Variants in PID1 observed in about 807,000 individuals in gnomAD.
PID1 encodes PTB-containing, cubilin and LRP1-interacting protein.
Under a neutral mutation model 19.1 loss-of-function variants are expected in PID1, and 10 were observed. The observed-to-expected ratio is 0.52, with a 90% CI of 0.32 to 0.89. The LOEUF is 0.89. Among genes scored for constraint, PID1 ranks in the 40% least tolerant of loss-of-function variants. The pLI is 0.03. For synonymous variants in PID1, 130 were observed against 116.0 expected, an observed-to-expected ratio of 1.12 and a Z score of -0.78; for missense variants, 248 against 285.3, an observed-to-expected ratio of 0.87 and a Z score of 0.94.
chr2:229,228,172 C>A, intron 1 of PID1: 1 of 401,290 alleles, frequency 2.5e-6, no homozygotes, highest in Non-Finnish European at 5.0e-6. Flanking sequence ...GCAAATAAAA[C>A]CGATACAAGC....
intron 2 of PID1, among the ~76,000 whole-genome samples, chr2:229,078,333 T>C (rs960180172): frequency 6.6e-5 from 10 of 152,232 alleles, no homozygotes; most frequent in African/African-American, 2.4e-4. Context: ...TACAATCATG[T>C]CATCTGCAAA....
At chr2:229,189,804 C>T (rs894076938) in intron 1 of PID1, among the ~76,000 whole-genome samples, 7 of 152,314 alleles carry the variant, frequency 4.6e-5, no homozygotes, top group African/African-American at 1.7e-4. Context: ...GTTAACTGGA[C>T]TTAGCTTACC....
chr2:229,215,337 CT>C (rs1691822671), intron 1 of PID1, among the ~76,000 whole-genome samples: 1 of 152,206 alleles, frequency 6.6e-6, no homozygotes, highest in African/African-American at 2.4e-5. Context: ...GATTGCTTGT[CT>C]TTTTCATATT....
chr2:229,077,362 T>C (rs1188516998), intron 2 of PID1, among the ~76,000 whole-genome samples: 1 of 152,234 alleles, frequency 6.6e-6, no homozygotes. Context: ...ATAGTTTCTT[T>C]TGCTGCACAG....
intron 1 of PID1, among the ~76,000 whole-genome samples, chr2:229,228,484 G>GAAATATATATCCTGC (rs1260372141): frequency 6.6e-6 from 1 of 152,142 alleles, no homozygotes; most frequent in Non-Finnish European, 1.5e-5. Flanking sequence ...TACGTGTGTG[G>GAAATATATATCCTGC]AAATATATAT....
intron 2 of PID1, among the ~76,000 whole-genome samples, chr2:229,058,292 A>G (rs575933150): frequency 4.6e-5 from 7 of 152,306 alleles, no homozygotes; most frequent in African/African-American, 1.7e-4. Context: ...AAAATACCAC[A>G]TTCTGAAAAG....
intron 1 of PID1, among the ~76,000 whole-genome samples, chr2:229,159,075 TAATTA>T (rs985167117): frequency 5.9e-5 from 9 of 152,358 alleles, no homozygotes; most frequent in Admixed American, 3.9e-4. Context: ...ATTTTAAAAT[TAATTA>T]AAAGAGTGTA....
At chr2:229,103,509 TG>T (rs1695114003) in intron 2 of PID1, among the ~76,000 whole-genome samples, 1 of 151,422 alleles carries the variant, frequency 6.6e-6, no homozygotes, top group South Asian at 2.1e-4. Context: ...TGTTAAGCCA[TG>T]GAAGTTTCAA....
chr2:229,178,208 C>A (rs1049989712), intron 1 of PID1, among the ~76,000 whole-genome samples: 2 of 152,140 alleles, frequency 1.3e-5, no homozygotes, highest in Non-Finnish European at 2.9e-5. Flanking sequence ...ATACTTGAGG[C>A]GAACATGAAT....
At chr2:229,220,240 C>T (rs1691938144) in intron 1 of PID1, among the ~76,000 whole-genome samples, 1 of 152,084 alleles carries the variant, frequency 6.6e-6, no homozygotes, top group African/African-American at 2.4e-5. Context: ...GCTCCCATGA[C>T]ACTTTAAACC....
At chr2:229,026,162 C>A (rs964603153) in intron 2 of PID1, 54 bp from the exon 3 acceptor site, 2 of 1,201,382 alleles carry the variant, frequency 1.7e-6, no homozygotes, top group South Asian at 1.3e-5. Context: ...GCTCTTTGTT[C>A]TGATAGACTG....
chr2:229,114,131 C>CAA (rs1695360200), intron 2 of PID1, among the ~76,000 whole-genome samples: 1 of 147,944 alleles, frequency 6.8e-6, no homozygotes, highest in Non-Finnish European at 1.5e-5. Flanking sequence ...CTCTCTCTCT[C>CAA]TCTTTCTCTC....
At chr2:229,090,694 C>A (rs552980789) in intron 2 of PID1, among the ~76,000 whole-genome samples, 14 of 152,140 alleles carry the variant, frequency 9.2e-5, no homozygotes, top group Non-Finnish European at 2.1e-4. Flanking sequence ...TCTATTTCAG[C>A]AAACTAGGGA....
intron 2 of PID1, among the ~76,000 whole-genome samples, chr2:229,134,931 T>G (rs6436846): frequency 6.6e-6 from 1 of 151,954 alleles, no homozygotes; most frequent in South Asian, 2.1e-4. Flanking sequence ...AGAAATTTTA[T>G]GTACTAACCT....
At chr2:229,181,303 C>T (rs1030350083) in intron 1 of PID1, among the ~76,000 whole-genome samples, 1 of 151,558 alleles carries the variant, frequency 6.6e-6, no homozygotes, top group East Asian at 1.9e-4. Context: ...AGAAAGCAGA[C>T]GTTGTATTTG....
At chr2:229,248,510 G>A (rs1180867275) in intron 1 of PID1, among the ~76,000 whole-genome samples, 1 of 152,128 alleles carries the variant, frequency 6.6e-6, no homozygotes, top group African/African-American at 2.4e-5. Context: ...TGTCTGGTGA[G>A]ATACTTTGAG....
At chr2:229,168,178 T>C (rs572012405) in intron 1 of PID1, among the ~76,000 whole-genome samples, 10 of 152,328 alleles carry the variant, frequency 6.6e-5, no homozygotes, top group Admixed American at 1.3e-4. Flanking sequence ...AGTGTTATCT[T>C]GAATCCATAG....
intron 1 of PID1, among the ~76,000 whole-genome samples, chr2:229,171,738 A>G (rs1293010882): frequency 5.3e-5 from 8 of 152,200 alleles, no homozygotes; most frequent in African/African-American, 1.2e-4. Context: ...TGACAAAAAT[A>G]TCATTGGAAT....
intron 2 of PID1, among the ~76,000 whole-genome samples, chr2:229,050,232 T>C (rs1574585715): frequency 6.6e-6 from 1 of 152,072 alleles, no homozygotes; most frequent in Non-Finnish European, 1.5e-5. Flanking sequence ...AATCCCCCAT[T>C]AGAGCGTGTG....
Sources: gnomAD v4.1 joint callset for allele counts (sites outside exome capture counted in the v4.1 genomes callset) on GRCh38, gnomAD v4.1.1 for gene constraint, MANE v1.5 for transcripts, NCBI Gene and HGNC (gene_info 2026-07-23, HGNC 2026-07-21) for gene names.